TRPC4: variants seen among roughly 807,000 people sequenced by gnomAD.
TRPC4 encodes the protein short transient receptor potential channel 4.
In TRPC4, 49 loss-of-function variants were observed where a neutral mutation model predicts 99.4. The ratio of observed to expected loss-of-function variants is 0.49; its 90% CI spans 0.39 to 0.63. The LOEUF is 0.63. Ranked by LOEUF, TRPC4 falls within the 20% of genes least tolerant of loss-of-function variation. TRPC4 has a pLI of 0.00. For synonymous variants in TRPC4, 454 were observed against 425.9 expected (o/e 1.07, Z -0.81); for missense variants, 898 against 1,152.9 (o/e 0.78, Z 3.20).
intron 1 of TRPC4, among the ~76,000 whole-genome samples, chr13:37,805,875 A>G (rs1957516897): frequency 6.6e-6 from 1 of 152,032 alleles, no homozygotes; most frequent in Admixed American, 6.6e-5. Flanking sequence ...TTTACTTGTG[A>G]AAAATTCCAC....
chr13:37,818,709 C>A (rs2139517793), intron 1 of TRPC4, among the ~76,000 whole-genome samples: 1 of 152,040 alleles, frequency 6.6e-6, no homozygotes, highest in South Asian at 2.1e-4. Flanking sequence ...GAACAGAAAA[C>A]CAAACATTGT....
intron 1 of TRPC4, among the ~76,000 whole-genome samples, chr13:37,829,678 C>A (rs1958356156): frequency 6.6e-6 from 1 of 152,112 alleles, no homozygotes; most frequent in Non-Finnish European, 1.5e-5. Context: ...ATATGTCACA[C>A]AGAAATTTGT....
intron 1 of TRPC4, among the ~76,000 whole-genome samples, chr13:37,841,121 A>T (rs979433339): frequency 6.6e-6 from 1 of 152,138 alleles, no homozygotes; most frequent in South Asian, 2.1e-4. Flanking sequence ...GTTTATAATA[A>T]TAACAGGTGA....
chr13:37,833,280 A>T (rs1267736174), intron 1 of TRPC4, among the ~76,000 whole-genome samples: 2 of 151,840 alleles, frequency 1.3e-5, no homozygotes, highest in African/African-American at 4.8e-5. Context: ...TTCTTTCTTA[A>T]CTCATCATTG....
intron 2 of TRPC4, among the ~76,000 whole-genome samples, chr13:37,758,860 A>G (rs1310321158): frequency 3.3e-5 from 5 of 151,698 alleles, no homozygotes; most frequent in African/African-American, 7.2e-5. Context: ...TCAGAAATAT[A>G]GAAAAATTAT....
At chr13:37,745,460 A>ATATATGCGTG (rs1955725792) in intron 3 of TRPC4, among the ~76,000 whole-genome samples, 1 of 4,928 alleles carries the variant, frequency 2.0e-4, no homozygotes. Flanking sequence ...ATATATATAT[A>ATATATGCGTG]TATATATATA....
intron 3 of TRPC4, among the ~76,000 whole-genome samples, chr13:37,721,095 G>A (rs1372116915): frequency 2.0e-5 from 3 of 152,118 alleles, no homozygotes; most frequent in Non-Finnish European, 2.9e-5. Context: ...CCTATGAATA[G>A]TTAGAAAAGA....
At chr13:37,840,257 G>A (rs745759478) in intron 1 of TRPC4, among the ~76,000 whole-genome samples, 16 of 152,034 alleles carry the variant, frequency 1.1e-4, no homozygotes, top group Non-Finnish European at 1.6e-4. Flanking sequence ...AGGCAATGCT[G>A]CAAATGAGGA....
chr13:37,696,146 G>T (rs548806404), intron 3 of TRPC4, among the ~76,000 whole-genome samples: 1 of 152,270 alleles, frequency 6.6e-6, no homozygotes, highest in African/African-American at 2.4e-5. Flanking sequence ...AAGAGCGCTT[G>T]TGCAGGGAAA....
At chr13:37,791,115 C>T (rs1025492033) in intron 1 of TRPC4, among the ~76,000 whole-genome samples, 1 of 151,874 alleles carries the variant, frequency 6.6e-6, no homozygotes, top group Non-Finnish European at 1.5e-5. Flanking sequence ...TGAAACAGGC[C>T]TGTCATGGTG....
intron 4 of TRPC4, among the ~76,000 whole-genome samples, chr13:37,683,185 A>G (rs529922866): frequency 8.8e-4 from 134 of 152,000 alleles, no homozygotes; most frequent in African/African-American, 3.1e-3. Context: ...TCCCTCATAA[A>G]GTCTGGGAGT....
At chr13:37,659,318 C>T (rs1952353197) in intron 6 of TRPC4, among the ~76,000 whole-genome samples, 2 of 152,158 alleles carry the variant, frequency 1.3e-5, no homozygotes, top group Non-Finnish European at 2.9e-5. Context: ...CTTCCTTCCT[C>T]TTTCCCCCTG....
chr13:37,662,685 A>C (rs1355918884), intron 6 of TRPC4, among the ~76,000 whole-genome samples: 2 of 152,212 alleles, frequency 1.3e-5, no homozygotes, highest in Non-Finnish European at 2.9e-5. Flanking sequence ...TTCACTTATT[A>C]ATTCAGCTAC....
chr13:37,820,499 A>T (rs1050323743), intron 1 of TRPC4, among the ~76,000 whole-genome samples: 1 of 152,114 alleles, frequency 6.6e-6, no homozygotes, highest in African/African-American at 2.4e-5. Context: ...ATAAAACTTC[A>T]GTTCAATATC....
Position 37,765,265 on chromosome 13 carries a change from G to A in TRPC4, c.378+17691C>T, listed in dbSNP as rs377664663. Reference sequence around the variant, plus strand: ...GACCAGGTATTAATTCATTAAAATAGGGCACCAACCTATGAGAATGAACAC... The same window carrying A: ...GACCAGGTATTAATTCATTAAAATAAGGCACCAACCTATGAGAATGAACAC... On this transcript the variant is annotated intron_variant, in intron 2 of 10. Coordinates refer to ENST00000379705, the MANE Select transcript of TRPC4 (RefSeq NM_016179.4). Among the ~76,000 whole-genome samples, 8 of 151,184 alleles carry A rather than the reference G, an allele frequency of 5.3e-5. No homozygotes were observed. The South Asian group carries it at 1.7e-3, about 31-fold the overall frequency.
chr13:37,756,711 T>G (rs2139219137), intron 2 of TRPC4, among the ~76,000 whole-genome samples: 1 of 151,746 alleles, frequency 6.6e-6, no homozygotes, highest in East Asian at 2.0e-4. Flanking sequence ...TTTTTTGGAT[T>G]CTTAGCAGAT....
At chr13:37,669,266 G>T (rs1408892763) in intron 5 of TRPC4, among the ~76,000 whole-genome samples, 1 of 152,074 alleles carries the variant, frequency 6.6e-6, no homozygotes, top group African/African-American at 2.4e-5. Flanking sequence ...AATATGAGAA[G>T]TGTTACATAC....
intron 8 of TRPC4, among the ~76,000 whole-genome samples, chr13:37,645,653 T>C (rs1951843813): frequency 6.6e-6 from 1 of 152,236 alleles, no homozygotes; most frequent in Non-Finnish European, 1.5e-5. Context: ...GTGATCCCTT[T>C]ACAAAAAAAT....
At chr13:37,663,791 G>T in intron 5 of TRPC4, 62 bp from the exon 6 acceptor site, 1 of 1,392,516 alleles carries the variant, frequency 7.2e-7, no homozygotes, top group South Asian at 1.4e-5. Context: ...ATAGATCAAG[G>T]TCAGACCCAG....
Sources: gnomAD v4.1 joint callset for allele counts (sites outside exome capture counted in the v4.1 genomes callset) on GRCh38, gnomAD v4.1.1 for gene constraint, MANE v1.5 for transcripts, NCBI Gene and HGNC (gene_info 2026-07-23, HGNC 2026-07-21) for gene names.